ENTREP2: variants seen among roughly 807,000 people sequenced by gnomAD.
ENTREP2 encodes protein ENTREP2.
chr15:29,356,296 ATTTTTTTTTTTTTT>A, the ENTREP2 span, among the ~76,000 whole-genome samples: 1 of 34,386 alleles, frequency 2.9e-5, no homozygotes, highest in African/African-American at 8.8e-5. Flanking sequence ...ATATATATAT[ATTTTTTTTTTTTTT>A]TTTTTTTTTT....
At chr15:29,540,967 G>A in the ENTREP2 span, among the ~76,000 whole-genome samples, 2 of 152,158 alleles carry the variant, frequency 1.3e-5, no homozygotes, top group African/African-American at 2.4e-5. Context: ...CTCTATCTGT[G>A]GAAATGAGGG....
At chr15:29,519,625 G>A in the ENTREP2 span, among the ~76,000 whole-genome samples, 33 of 152,184 alleles carry the variant, frequency 2.2e-4, no homozygotes, top group Admixed American at 1.3e-3. Context: ...TTAATTGACC[G>A]TGTTTATTAG....
chr15:29,244,760 G>A, the ENTREP2 span, among the ~76,000 whole-genome samples: 1 of 152,186 alleles, frequency 6.6e-6, no homozygotes. Context: ...TGGAGCTGCG[G>A]GACCTCCCAG....
the ENTREP2 span, among the ~76,000 whole-genome samples, chr15:29,293,541 C>A: frequency 6.6e-6 from 1 of 152,128 alleles, no homozygotes; most frequent in Non-Finnish European, 1.5e-5. Context: ...CAGGCATGAG[C>A]CACCGCGCCC....
chr15:29,151,826 C>A, the ENTREP2 span: 2 of 1,551,348 alleles, frequency 1.3e-6, no homozygotes, highest in African/African-American at 1.4e-5. Context: ...AGGGCACACA[C>A]GCTGAAGAGG....
chr15:29,556,031 G>T, the ENTREP2 span, among the ~76,000 whole-genome samples: 1 of 152,160 alleles, frequency 6.6e-6, no homozygotes, highest in African/African-American at 2.4e-5. Flanking sequence ...AGGCAGGTGG[G>T]TCGCTTGAGC....
chr15:29,246,476 C>T, the ENTREP2 span, among the ~76,000 whole-genome samples: 1 of 144,646 alleles, frequency 6.9e-6, no homozygotes, highest in African/African-American at 2.6e-5. Flanking sequence ...AGGTGGATCG[C>T]CTGAGGTCAG....
chr15:29,594,975 G>C, the ENTREP2 span, among the ~76,000 whole-genome samples: 1 of 147,772 alleles, frequency 6.8e-6, no homozygotes, highest in Non-Finnish European at 1.5e-5. Context: ...GGCTGAGGCA[G>C]GAGAATGGCG....
chr15:29,145,823 G>A, the ENTREP2 span, among the ~76,000 whole-genome samples: 1 of 152,036 alleles, frequency 6.6e-6, no homozygotes, highest in African/African-American at 2.4e-5. Context: ...TCCAGCCAGG[G>A]CAATCAGGAA....
chr15:29,506,742 G>GAC, the ENTREP2 span, among the ~76,000 whole-genome samples: 1 of 152,130 alleles, frequency 6.6e-6, no homozygotes, highest in Non-Finnish European at 1.5e-5. Context: ...TGCCTTACAA[G>GAC]ACCTCCTGAA....
chr15:29,227,642 G>A, the ENTREP2 span, among the ~76,000 whole-genome samples: 3,781 of 152,142 alleles, frequency 0.025, 138 homozygotes, highest in African/African-American at 0.083. Flanking sequence ...ACACCCAGCC[G>A]CCACCAGGGA....
At chr15:29,301,142 C>G in the ENTREP2 span, among the ~76,000 whole-genome samples, 1 of 152,136 alleles carries the variant, frequency 6.6e-6, no homozygotes, top group African/African-American at 2.4e-5. Context: ...AAAATATCAA[C>G]AGGAGTTTTT....
At chr15:29,572,302 C>G in the ENTREP2 span, among the ~76,000 whole-genome samples, 1 of 152,242 alleles carries the variant, frequency 6.6e-6, no homozygotes, top group Non-Finnish European at 1.5e-5. Context: ...TTTAACAGGA[C>G]TAAGCCTCTG....
the ENTREP2 span, among the ~76,000 whole-genome samples, chr15:29,629,928 C>T: frequency 6.6e-6 from 1 of 152,026 alleles, no homozygotes; most frequent in Admixed American, 6.6e-5. Context: ...ACCAGCCTGG[C>T]CAACATGGTG....
At chr15:29,356,285 TA>T in the ENTREP2 span, among the ~76,000 whole-genome samples, 807 of 56,848 alleles carry the variant, frequency 0.014, 11 homozygotes, top group African/African-American at 0.031. Context: ...TATATATATA[TA>T]TATATATATA....
At chr15:29,450,564 C>T in the ENTREP2 span, among the ~76,000 whole-genome samples, 1 of 152,110 alleles carries the variant, frequency 6.6e-6, no homozygotes, top group Non-Finnish European at 1.5e-5. Flanking sequence ...GGCAATTCCT[C>T]AAAGAGCTAA....
At chr15:29,383,311 C>T in the ENTREP2 span, among the ~76,000 whole-genome samples, 10 of 152,202 alleles carry the variant, frequency 6.6e-5, no homozygotes, top group Non-Finnish European at 8.8e-5. Context: ...GCCCACACTT[C>T]CTCTTGCAAC....
the ENTREP2 span, among the ~76,000 whole-genome samples, chr15:29,306,035 G>C: frequency 6.6e-6 from 1 of 152,230 alleles, no homozygotes; most frequent in East Asian, 1.9e-4. Flanking sequence ...GTTGCTGTGG[G>C]GTCAGGTGAG....
At chr15:29,389,463 A>G in the ENTREP2 span, among the ~76,000 whole-genome samples, 1 of 151,930 alleles carries the variant, frequency 6.6e-6, no homozygotes, top group Non-Finnish European at 1.5e-5. Context: ...CCCAACACCA[A>G]TGCTTGAGCG....
Sources: allele counts gnomAD v4.1 joint callset (sites outside exome capture counted in the v4.1 genomes callset), GRCh38; gene constraint gnomAD v4.1.1; transcripts MANE v1.5; gene names NCBI Gene and HGNC (gene_info 2026-07-23, HGNC 2026-07-21).